The following SYT1 variants were observed in gnomAD, a reference collection of about 807,000 sequenced individuals.
SYT1 encodes the protein synaptotagmin-1.
SYT1 carries 8 observed loss-of-function variants against 44.8 expected under a neutral mutation model. That is an observed-to-expected ratio of 0.18 (90% CI 0.10 to 0.32). The LOEUF is 0.32. SYT1 is among the 10% of genes least tolerant of loss of function. The probability of loss-of-function intolerance (pLI) is 1.00; values close to 1 mark genes in which losing one functional copy is unlikely to be tolerated. For synonymous variants in SYT1, 154 were observed against 188.8 expected (o/e 0.82, Z 1.51); for missense variants, 286 against 509.3 (o/e 0.56, Z 4.22).
chr12:79,228,551 C>A (rs1394364962), intron 4 of SYT1, among the ~76,000 whole-genome samples: 1 of 152,030 alleles, frequency 6.6e-6, no homozygotes, highest in Non-Finnish European at 1.5e-5. Context: ...CTGACTGGTC[C>A]TTCTTTTGTT....
chr12:79,048,652 G>C (rs1388314109), intron 3 of SYT1, among the ~76,000 whole-genome samples: 1 of 151,722 alleles, frequency 6.6e-6, no homozygotes, highest in Admixed American at 6.6e-5. Context: ...ACTACTCTTT[G>C]ATTTAAAAAA....
intron 3 of SYT1, among the ~76,000 whole-genome samples, chr12:79,083,167 A>G (rs1205641279): frequency 6.6e-6 from 1 of 152,192 alleles, no homozygotes; most frequent in Non-Finnish European, 1.5e-5. Flanking sequence ...GTCAATAAAT[A>G]TATCAAACGT....
intron 2 of SYT1, among the ~76,000 whole-genome samples, chr12:78,998,128 A>G (rs1360489023): frequency 6.6e-6 from 1 of 152,192 alleles, no homozygotes; most frequent in Non-Finnish European, 1.5e-5. Flanking sequence ...AGAACCCCCA[A>G]AATGACTCTT....
At chr12:79,385,002 T>TTC (rs1481288815) in intron 9 of SYT1, among the ~76,000 whole-genome samples, 1 of 150,688 alleles carries the variant, frequency 6.6e-6, no homozygotes, top group Non-Finnish European at 1.5e-5. Flanking sequence ...TTTTTTTTTT[T>TTC]TTTTGAGACA....
rs1462021152 is a variant in SYT1 at position 79,308,612 on chromosome 12, A to AAGAAAGAAAG, written c.810+9062_810+9063insGAAAGAAAGA. ...GAAAGAAGAAAGAAAGAAAGAAAGAAAAAGAAAGAAAGAAAGAAAGAAAGA... is the reference window on the plus strand; with the variant it reads ...GAAAGAAGAAAGAAAGAAAGAAAGAAAGAAAGAAAGAAAGAAAGAAAGAAAGAAAGAAAGA... On this transcript the variant is annotated intron_variant, in intron 8 of 10. Coordinates refer to ENST00000261205, the MANE Select transcript of SYT1 (RefSeq NM_005639.3). 4.5e-3 allele frequency among the ~76,000 whole-genome samples: 606 copies of AAGAAAGAAAG among 134,298 alleles called. 5 individuals carry two copies. The highest frequency in any genetic ancestry group is 0.013 in the East Asian group (55 of 4,190). 88.1% of individuals were successfully genotyped at this position (134,298 alleles called of 152,430 possible). A position where few individuals can be genotyped will look rare whatever the true frequency, so the allele number is the denominator to read the frequency against.
intron 4 of SYT1, among the ~76,000 whole-genome samples, chr12:79,233,117 C>T (rs759784911): frequency 2.0e-5 from 3 of 152,056 alleles, no homozygotes; most frequent in Non-Finnish European, 4.4e-5. Flanking sequence ...CTCGTGGCAG[C>T]CCCATCTAAT....
chr12:78,952,292 G>T (rs1336767746), intron 1 of SYT1, among the ~76,000 whole-genome samples: 2 of 152,146 alleles, frequency 1.3e-5, no homozygotes, highest in African/African-American at 4.8e-5. Flanking sequence ...TGCTACAGCA[G>T]ACACTGATGC....
At chr12:79,374,887 A>G (rs1478838259) in intron 9 of SYT1, among the ~76,000 whole-genome samples, 1 of 152,176 alleles carries the variant, frequency 6.6e-6, no homozygotes, top group Non-Finnish European at 1.5e-5. Context: ...TTAGATTAGG[A>G]GTAAACAAAC....
At chr12:79,038,920 G>A (rs940388937) in intron 2 of SYT1, among the ~76,000 whole-genome samples, 3 of 151,976 alleles carry the variant, frequency 2.0e-5, no homozygotes, top group Non-Finnish European at 4.4e-5. Context: ...AAACCTGGAT[G>A]TAAATATGAG....
chr12:79,370,847 A>G (rs1356721319), intron 9 of SYT1, among the ~76,000 whole-genome samples: 2 of 152,134 alleles, frequency 1.3e-5, no homozygotes, highest in Non-Finnish European at 2.9e-5. Context: ...GCCATAGGTT[A>G]GGGAATTAAC....
chr12:79,410,342 T>C (rs774942278), intron 9 of SYT1, among the ~76,000 whole-genome samples: 8 of 151,894 alleles, frequency 5.3e-5, no homozygotes, highest in African/African-American at 1.5e-4. Context: ...TCTCTCAGGG[T>C]CATAAAGCCA....
At chr12:79,182,133 C>A (rs1872583135) in intron 3 of SYT1, among the ~76,000 whole-genome samples, 1 of 152,078 alleles carries the variant, frequency 6.6e-6, no homozygotes, top group Non-Finnish European at 1.5e-5. Context: ...AAAATCACAG[C>A]TTTTTACTCA....
chr12:78,989,702 C>T (rs900084443), intron 2 of SYT1, among the ~76,000 whole-genome samples: 1 of 152,114 alleles, frequency 6.6e-6, no homozygotes, highest in African/African-American at 2.4e-5. Context: ...ATCCCTATAC[C>T]ATCCTTTGCA....
intron 1 of SYT1, among the ~76,000 whole-genome samples, chr12:78,917,334 G>A (rs867774615): frequency 6.6e-6 from 1 of 151,896 alleles, no homozygotes; most frequent in Admixed American, 6.6e-5. Flanking sequence ...TCTTCTGAAT[G>A]TATCCCAATT....
intron 3 of SYT1, among the ~76,000 whole-genome samples, chr12:79,059,509 AC>A (rs1310690886): frequency 6.6e-6 from 1 of 152,128 alleles, no homozygotes; most frequent in Non-Finnish European, 1.5e-5. Flanking sequence ...GTTAGTTATA[AC>A]ATTCCTTATA....
chr12:78,898,628 G>A (rs968197329), intron 1 of SYT1, among the ~76,000 whole-genome samples: 1 of 152,072 alleles, frequency 6.6e-6, no homozygotes, highest in Non-Finnish European at 1.5e-5. Context: ...TTTCCCCTAG[G>A]ACTGCATTGC....
intron 3 of SYT1, among the ~76,000 whole-genome samples, chr12:79,196,180 TG>T (rs1873446723): frequency 6.6e-6 from 1 of 151,940 alleles, no homozygotes; most frequent in Non-Finnish European, 1.5e-5. Flanking sequence ...TTGTTGTTGT[TG>T]TTGTTGAGAT....
intron 3 of SYT1, among the ~76,000 whole-genome samples, chr12:79,114,991 C>G (rs11833300): frequency 0.15 from 23,089 of 152,100 alleles, 1,862 homozygotes; most frequent in South Asian, 0.19. Context: ...ATTCACAGGA[C>G]AATGTGCTCA....
rs546715893 is a variant in SYT1 at position 79,361,912 on chromosome 12, A to AT, written c.928+8295dup. Among the ~76,000 whole-genome samples the AT allele has an allele frequency of 3.7e-3, 559 of 152,330 alleles. 3 individuals carry two copies. The highest frequency in any genetic ancestry group is 0.013 in the African/African-American group (535 of 41,570). On this transcript the variant is annotated intron_variant, in intron 9 of 10. Coordinates refer to ENST00000261205, the MANE Select transcript of SYT1 (RefSeq NM_005639.3). ...CTAATTCTGTAAAGGAGTATGTGATATTATTGGGAGAGGGGCAGTATGATG... is the reference window on the plus strand; with the variant it reads ...CTAATTCTGTAAAGGAGTATGTGATATTTATTGGGAGAGGGGCAGTATGATG...
Sources: allele counts gnomAD v4.1 joint callset (sites outside exome capture counted in the v4.1 genomes callset), GRCh38; gene constraint gnomAD v4.1.1; transcripts MANE v1.5; gene names NCBI Gene and HGNC (gene_info 2026-07-23, HGNC 2026-07-21).